Variants in KIF1A observed in about 807,000 individuals in gnomAD.
The protein encoded by KIF1A is kinesin family member 1A, also known as kinesin-like protein KIF1A.
In KIF1A, 46 loss-of-function variants were observed where a neutral mutation model predicts 227.3. That is an observed-to-expected ratio of 0.20 (90% CI 0.16 to 0.26). The LOEUF is 0.26. Among genes scored for constraint, KIF1A ranks in the 10% least tolerant of loss-of-function variants. KIF1A has a pLI of 1.00. For missense variants in KIF1A, 1,683 were observed against 2,485.9 expected (o/e 0.68, Z 6.87); for synonymous variants, 1,022 against 1,012.8 (o/e 1.01, Z -0.17).
intron 33 of KIF1A, 139 bp from the exon 34 acceptor site, chr2:240,743,123 G>T: frequency 1.5e-6 from 1 of 661,890 alleles, no homozygotes; most frequent in Non-Finnish European, 2.4e-6. Context: ...CACCAGCTTG[G>T]GTGGGAGGAA....
In KIF1A at chr2:240,783,727, C is replaced by T; in HGVS notation, c.798+12G>A. The T allele has an allele frequency of 1.9e-6, 3 of 1,559,906 alleles. No individual in the cohort carries two copies. Among genetic ancestry groups the T allele is most frequent in the Non-Finnish European group, 2.6e-6 (3 of 1,151,494 alleles). Reference sequence around the variant, plus strand: ...GTGGACACGGGTCCCCGCATGGCGGCCTGGCCCCTACCTTGAGGCGCGTGC... The same window carrying T: ...GTGGACACGGGTCCCCGCATGGCGGTCTGGCCCCTACCTTGAGGCGCGTGC... On this transcript the variant is annotated intron_variant, in intron 8 of 48. Coordinates refer to ENST00000498729, the MANE Select transcript of KIF1A (RefSeq NM_001244008.2).
chr2:240,771,697 T>G (rs944044790), intron 14 of KIF1A, among the ~76,000 whole-genome samples: 2 of 152,066 alleles, frequency 1.3e-5, no homozygotes, highest in African/African-American at 4.8e-5. Flanking sequence ...CCCCGAGCTG[T>G]GGGGCCAGGC....
chr2:240,809,022 G>A (rs934726822), intron 1 of KIF1A, among the ~76,000 whole-genome samples: 1 of 152,166 alleles, frequency 6.6e-6, no homozygotes. Flanking sequence ...AAGCCACCAC[G>A]CCCAGCCGTC....
At chr2:240,742,559 C>CTCGT (rs2048103521) in intron 34 of KIF1A, among the ~76,000 whole-genome samples, 1 of 152,218 alleles carries the variant, frequency 6.6e-6, no homozygotes, top group South Asian at 2.1e-4. Context: ...ACCCCACACT[C>CTCGT]TCGCTCCCAC....
chr2:240,740,414 C>T lies in KIF1A; in HGVS notation c.3750-50G>A. The stretch of plus-strand genomic sequence containing the variant: ...GAGCGGCCAGCCCCTCCTCTCTGCC[C>T]TCCCCGCAGCACAGGACACAGTGGA... On this transcript the variant is annotated intron_variant, in intron 35 of 48. Coordinates refer to ENST00000498729, the MANE Select transcript of KIF1A (RefSeq NM_001244008.2). The surrounding 1 kb of genome is among the most constrained non-coding windows in gnomAD (Gnocchi z 6.1). 1 of 1,485,108 alleles carries T rather than the reference C, an allele frequency of 6.7e-7. No homozygotes were observed. The highest frequency in any genetic ancestry group is 9.4e-7 in the Non-Finnish European group (1 of 1,063,962). The allele number at this position is 1,485,108 out of a possible 1,614,324, so 92.0% of individuals were successfully genotyped here.
rs375309925 is a variant in KIF1A at position 240,723,503 on chromosome 2, G to A, written c.4374C>T (p.Gly1458=). ...GCCTCCAGCCTGCCAGGTTCTCCTCGCCCCGGACATAGGCCACAGATGTGT... is the reference window on the plus strand; with the variant it reads ...GCCTCCAGCCTGCCAGGTTCTCCTCACCCCGGACATAGGCCACAGATGTGT... ...VLDTSVAYVR[G]EENLAGWRPR... is the part of the protein sequence containing the mutation. The change falls in exon 42 of 49, where the codon GGC becomes GGT. Residue 1458 remains glycine (G), a synonymous_variant. Transcript: ENST00000498729. 131 of 1,551,814 alleles carry A rather than the reference G, an allele frequency of 8.4e-5. No individual in the cohort carries two copies. In the Admixed American group the frequency reaches 2.0e-3, roughly 24 times the overall value.
In KIF1A at chr2:240,726,942, T is replaced by G. The variant is rs1200540597; in HGVS notation, c.4008-2A>C. ...GCAGCCTCAAATTGGTAAAAGGTCC[T>G]GAAAGGAAGCAGAGACAAAGTAGAA... is the stretch of plus-strand genomic sequence containing the variant. On this transcript the variant is annotated splice_acceptor_variant, in intron 38 of 48. Transcript: ENST00000498729. LOFTEE classifies it high-confidence loss of function. The surrounding 1 kb of genome is among the most constrained non-coding windows in gnomAD (Gnocchi z 5.2). 6.3e-7 allele frequency: 1 copy of G among 1,580,466 alleles called. No individual in the cohort carries two copies. Among genetic ancestry groups the G allele is most frequent in the African/African-American group, 1.3e-5 (1 of 74,392 alleles).
Position 240,788,366 on chromosome 2 carries a change from C to A in KIF1A, c.184-136G>T, listed in dbSNP as rs2055214305. The A allele has an allele frequency of 2.7e-6, 2 of 747,772 alleles. No homozygotes were observed. The highest frequency in any genetic ancestry group is 3.2e-5 in the South Asian group (2 of 62,694). The allele number at this position is 747,772 out of a possible 1,614,324, so 46.3% of individuals were successfully genotyped here. A position where few individuals can be genotyped will look rare whatever the true frequency, so the allele number is the denominator to read the frequency against. ...ACAGTGGGGAGGGATGCCTGCCCCC[C>A]ATCCTACTCCTGCCTTGTGGGGTAG... is the stretch of plus-strand genomic sequence containing the variant. On this transcript the variant is annotated intron_variant, in intron 3 of 48. Transcript: ENST00000498729. This position sits in a 1 kb window ranked among gnomAD's most constrained non-coding sequence, Gnocchi z 6.6.
chr2:240,718,917 G>A (rs2125565842), intron 47 of KIF1A, 89 bp downstream of exon 47: 2 of 1,104,302 alleles, frequency 1.8e-6, no homozygotes, highest in East Asian at 2.4e-5. Context: ...TGGGCCTCCT[G>A]CTCTGACGCA....
Position 240,744,058 on chromosome 2 carries a change from G to A in KIF1A, c.3468C>T (p.Ile1156=), listed in dbSNP as rs201981364. ...TGAAGGACTTGGTCACCTCCACTGC[G>A]ATCTGGTGGGCAGGCAGGTGGGAGG... The part of the protein sequence containing the change: ...PPLGFYHVQN[I]AVEVTKSFIE... Residue 1156 remains isoleucine, a splice_region_variant and synonymous_variant, in exon 33 of 49, where the codon ATC becomes ATT. Transcript: ENST00000498729. The A allele has an allele frequency of 6.5e-5, 104 of 1,604,400 alleles. No individual in the cohort carries two copies. The African/African-American group carries it at 8.9e-4, about 14-fold the overall frequency.
chr2:240,774,235 C>T lies in KIF1A; in HGVS notation c.985G>A (p.Ala329Thr). 1 of 1,611,138 alleles carries T rather than the reference C, an allele frequency of 6.2e-7. No individual in the cohort carries two copies. The highest frequency in any genetic ancestry group is 8.5e-7 in the Non-Finnish European group (1 of 1,177,852). Residue 329 changes from alanine (A) to threonine (T), a missense_variant, in exon 12 of 49, where the codon GCA becomes ACA. By Grantham distance (58) the Ala-to-Thr change is moderately conservative (BLOSUM62 0). Coordinates refer to ENST00000498729, the MANE Select transcript of KIF1A (RefSeq NM_001244008.2). The part of the protein sequence containing the change: ...LGGNSRTAMV[A>T]ALSPADINYD... ...TTGATGTCTGCAGGACTCAAGGCTG[C>T]CACCATAGCTGTCCTTGAGTTACCG...
Position 240,770,966 on chromosome 2 carries a change from CT to C in KIF1A, c.1341+4del. 1 of 1,609,708 alleles carries C rather than the reference CT, an allele frequency of 6.2e-7. No homozygotes were observed. Among genetic ancestry groups the C allele is most frequent in the Non-Finnish European group, 8.5e-7 (1 of 1,179,696 alleles). The stretch of plus-strand genomic sequence containing the variant: ...ACACCCTGAAGCCCCAGGTGGTGCC[CT>C]CACCTTCAGTCTTTCAATGGCCTCC... On this transcript the variant is annotated splice_donor_region_variant and intron_variant, in intron 15 of 48. Coordinates refer to ENST00000498729, the MANE Select transcript of KIF1A (RefSeq NM_001244008.2).
intron 1 of KIF1A, chr2:240,818,822 G>GCCTCTCCGCACCGCCT (rs1160123716): frequency 6.6e-6 from 1 of 152,412 alleles, no homozygotes; most frequent in African/African-American, 2.4e-5. Flanking sequence ...CGAGGCAGGG[G>GCCTCTCCGCACCGCCT]CCTCTCCGCA....
intron 1 of KIF1A, among the ~76,000 whole-genome samples, chr2:240,808,505 A>G (rs1413984936): frequency 1.9e-5 from 2 of 103,286 alleles, no homozygotes; most frequent in East Asian, 5.6e-4. Flanking sequence ...AACAAAAAAA[A>G]AAAATTTTTT....
intron 46 of KIF1A, 38 bp downstream of exon 46, chr2:240,719,736 G>C: frequency 6.6e-7 from 1 of 1,510,842 alleles, no homozygotes; most frequent in Non-Finnish European, 8.9e-7. Context: ...TGTCAGCACA[G>C]AGCTGGTGGC....
rs1222642314 is a variant in KIF1A at position 240,731,090 on chromosome 2, T to C, written c.4008-4150A>G. Among the ~76,000 whole-genome samples the C allele has an allele frequency of 2.6e-5, 4 of 151,072 alleles. No homozygotes were observed. The East Asian group carries it at 7.8e-4, about 30-fold the overall frequency. ...GCCCTTTAAAGCTCGAAACCTGGCC[T>C]GAGGGCAAATCTGCAGTAGATCCAC... On this transcript the variant is annotated intron_variant, in intron 38 of 48. Coordinates refer to ENST00000498729, the MANE Select transcript of KIF1A (RefSeq NM_001244008.2).
At chr2:240,774,981 C>A (rs1262501895) in intron 11 of KIF1A, among the ~76,000 whole-genome samples, 1 of 152,312 alleles carries the variant, frequency 6.6e-6, no homozygotes, top group Non-Finnish European at 1.5e-5. Context: ...GGGCACATAC[C>A]ACACGGGCCC....
chr2:240,810,675 C>T (rs1253895296), intron 1 of KIF1A, among the ~76,000 whole-genome samples: 1 of 152,188 alleles, frequency 6.6e-6, no homozygotes, highest in Non-Finnish European at 1.5e-5. Flanking sequence ...AATGCAGAGT[C>T]GGCTGCAGGC....
intron 1 of KIF1A, among the ~76,000 whole-genome samples, chr2:240,808,966 G>A (rs978707912): frequency 3.9e-5 from 6 of 152,068 alleles, no homozygotes; most frequent in Admixed American, 1.3e-4. Flanking sequence ...TCCTGACCTC[G>A]TGATCTGCCC....
Sources: allele counts gnomAD v4.1 joint callset (sites outside exome capture counted in the v4.1 genomes callset), GRCh38; gene constraint gnomAD v4.1.1; non-coding constraint Gnocchi (gnomAD v3.1); transcripts MANE v1.5; gene names NCBI Gene and HGNC (gene_info 2026-07-23, HGNC 2026-07-21).